ZNF385D: variants seen among roughly 807,000 people sequenced by gnomAD.
ZNF385D encodes the protein zinc finger protein 385D.
Under a neutral mutation model 35.8 loss-of-function variants are expected in ZNF385D, and 15 were observed. The observed-to-expected ratio is 0.42, with a 90% CI of 0.28 to 0.64. The LOEUF (loss-of-function observed/expected upper bound fraction) is 0.64. Among genes scored for constraint, ZNF385D ranks in the 30% least tolerant of loss-of-function variants. The probability of loss-of-function intolerance (pLI) is 0.23; values close to 1 mark genes in which losing one functional copy is unlikely to be tolerated. For missense variants in ZNF385D, 474 were observed against 494.6 expected, an observed-to-expected ratio of 0.96 and a Z score of 0.39; for synonymous variants, 212 against 186.8, an observed-to-expected ratio of 1.13 and a Z score of -1.10.
chr3:22,214,678 G>A (rs983948274), intron 2 of ZNF385D, among the ~76,000 whole-genome samples: 21 of 151,980 alleles, frequency 1.4e-4, no homozygotes, highest in Middle Eastern at 3.4e-3. Context: ...CTCCCATAGC[G>A]CTCCCAGGCT....
At chr3:21,463,159 A>T (rs1703287237) in intron 4 of ZNF385D, among the ~76,000 whole-genome samples, 1 of 151,822 alleles carries the variant, frequency 6.6e-6, no homozygotes, top group Non-Finnish European at 1.5e-5. Context: ...GTAGTAATTT[A>T]AAAGTTGTAA....
At chr3:22,070,394 G>C (rs139584060) in intron 3 of ZNF385D, among the ~76,000 whole-genome samples, 5 of 152,156 alleles carry the variant, frequency 3.3e-5, no homozygotes, top group Admixed American at 3.3e-4. Flanking sequence ...ACATTCCTAA[G>C]TTGTAAAGCT....
chr3:22,161,467 T>A (rs1007766076), intron 3 of ZNF385D, among the ~76,000 whole-genome samples: 8 of 152,084 alleles, frequency 5.3e-5, no homozygotes, highest in South Asian at 2.1e-4. Flanking sequence ...AAGGCCTTTT[T>A]AAAAGAGGAA....
At chr3:22,372,126 C>G (rs1012104066) in intron 2 of ZNF385D, among the ~76,000 whole-genome samples, 2 of 152,084 alleles carry the variant, frequency 1.3e-5, no homozygotes, top group African/African-American at 4.8e-5. Context: ...CTCGCCCCCC[C>G]GCCTCGGCCT....
In ZNF385D at chr3:21,440,435, A is replaced by G. The variant is rs1013340198; in HGVS notation, c.440-3232T>C. 2.0e-5 allele frequency among the ~76,000 whole-genome samples: 3 copies of G among 152,144 alleles called. No individual in the cohort carries two copies. The East Asian group carries it at 5.8e-4, about 29-fold the overall frequency. On this transcript the variant is annotated intron_variant, in intron 4 of 7. Coordinates refer to ENST00000281523, the MANE Select transcript of ZNF385D (RefSeq NM_024697.3). ...AGTACTCCTCAAAACTAGCAAGGCTATCAAAACAAGGAAAGTGTGCAGAAC... is the reference window on the plus strand; with the variant it reads ...AGTACTCCTCAAAACTAGCAAGGCTGTCAAAACAAGGAAAGTGTGCAGAAC...
intron 3 of ZNF385D, among the ~76,000 whole-genome samples, chr3:22,064,145 T>C (rs1178465004): frequency 1.3e-5 from 2 of 152,158 alleles, no homozygotes; most frequent in Non-Finnish European, 2.9e-5. Flanking sequence ...AGAAGTGGAA[T>C]TGTTGGTCCT....
intron 4 of ZNF385D, among the ~76,000 whole-genome samples, chr3:21,458,147 A>C (rs1400148169): frequency 2.6e-5 from 4 of 152,026 alleles, no homozygotes; most frequent in African/African-American, 9.7e-5. Flanking sequence ...TAACTATATA[A>C]AACCTAGGAA....
chr3:22,242,276 G>A (rs1378568675), intron 2 of ZNF385D, among the ~76,000 whole-genome samples: 1 of 150,988 alleles, frequency 6.6e-6, no homozygotes, highest in Non-Finnish European at 1.5e-5. Flanking sequence ...TACTGTTTGT[G>A]GCTTGTACTA....
At chr3:21,598,226 A>G (rs1279769860) in intron 2 of ZNF385D, among the ~76,000 whole-genome samples, 1 of 152,192 alleles carries the variant, frequency 6.6e-6, no homozygotes, top group Non-Finnish European at 1.5e-5. Flanking sequence ...TGATACATAC[A>G]TGGGTAAAAT....
rs1015154753 is a variant in ZNF385D at position 21,565,139 on chromosome 3, T to C, written c.166-455A>G. Among the ~76,000 whole-genome samples, 3 of 152,136 alleles carry C rather than the reference T, an allele frequency of 2.0e-5. No homozygotes were observed. The South Asian group carries it at 6.2e-4, about 32-fold the overall frequency. ...ATCCAACATGAACCTTATGCTATGT[T>C]TGGTATCTTTTAGACTCTATAATAT... On this transcript the variant is annotated intron_variant, in intron 2 of 7. Transcript: ENST00000281523.
At chr3:22,217,217 T>C (rs571247848) in intron 2 of ZNF385D, among the ~76,000 whole-genome samples, 70 of 152,196 alleles carry the variant, frequency 4.6e-4, no homozygotes, top group Admixed American at 2.6e-4. Context: ...AGCCTATTCT[T>C]TCTGCCTTGC....
At chr3:22,107,042 T>TTTTTTTG (rs10688533) in intron 3 of ZNF385D, among the ~76,000 whole-genome samples, 1 of 149,388 alleles carries the variant, frequency 6.7e-6, no homozygotes, top group Non-Finnish European at 1.5e-5. Flanking sequence ...TTTTTTTTTT[T>TTTTTTTG]AGACAGAGTT....
chr3:21,979,230 C>G (rs1694260637), intron 3 of ZNF385D, among the ~76,000 whole-genome samples: 2 of 151,960 alleles, frequency 1.3e-5, no homozygotes, highest in Non-Finnish European at 2.9e-5. Flanking sequence ...TGTTATTGCC[C>G]TGTATAACTG....
chr3:21,538,413 A>G (rs144062514), intron 3 of ZNF385D, among the ~76,000 whole-genome samples: 1 of 152,200 alleles, frequency 6.6e-6, no homozygotes, highest in East Asian at 1.9e-4. Flanking sequence ...ATGAGATAGG[A>G]TAGGTTGTGT....
chr3:21,554,374 G>A (rs1380396830), intron 3 of ZNF385D, among the ~76,000 whole-genome samples: 1 of 152,136 alleles, frequency 6.6e-6, no homozygotes, highest in Non-Finnish European at 1.5e-5. Context: ...AATCTCAAGA[G>A]TGGGCTTAAA....
intron 2 of ZNF385D, among the ~76,000 whole-genome samples, chr3:21,602,682 G>A (rs866606585): frequency 2.4e-4 from 36 of 149,784 alleles, no homozygotes; most frequent in Middle Eastern, 3.4e-3. Flanking sequence ...ACAGGCGCCC[G>A]CCACCGCGCC....
intron 1 of ZNF385D, among the ~76,000 whole-genome samples, chr3:21,705,221 C>T (rs2125395695): frequency 6.6e-6 from 1 of 152,276 alleles, no homozygotes; most frequent in South Asian, 2.1e-4. Flanking sequence ...GGCATGCTAT[C>T]AGTTTAAGAA....
chr3:21,779,964 G>A (rs1213769124), intron 3 of ZNF385D, among the ~76,000 whole-genome samples: 1 of 151,588 alleles, frequency 6.6e-6, no homozygotes. Flanking sequence ...TAATATCCAG[G>A]CATTGTCTTA....
intron 2 of ZNF385D, among the ~76,000 whole-genome samples, chr3:21,592,900 G>T (rs751896528): frequency 6.6e-6 from 1 of 152,046 alleles, no homozygotes; most frequent in African/African-American, 2.4e-5. Flanking sequence ...TCCTAAGCAG[G>T]CCCCTTGTTT....
Sources: gnomAD v4.1 joint callset for allele counts (sites outside exome capture counted in the v4.1 genomes callset) on GRCh38, gnomAD v4.1.1 for gene constraint, MANE v1.5 for transcripts, NCBI Gene and HGNC (gene_info 2026-07-23, HGNC 2026-07-21) for gene names.